The following CDC6 variants were observed in gnomAD, a reference collection of about 807,000 sequenced individuals.
CDC6 encodes DNA replication factor CDC6.
In CDC6, 46 loss-of-function variants were observed where a neutral mutation model predicts 60.2. The ratio of observed to expected loss-of-function variants is 0.76; its 90% CI spans 0.60 to 0.98. CDC6 has a LOEUF of 0.98. Ranked by LOEUF, CDC6 falls within the 50% of genes least tolerant of loss-of-function variation. The pLI, the probability that CDC6 is intolerant of heterozygous loss-of-function variation, is 0.00. For synonymous variants in CDC6, 210 were observed against 233.2 expected (o/e 0.90, Z 0.90); for missense variants, 596 against 652.9 (o/e 0.91, Z 0.95).
chr17:40,301,323 C>T (rs143500085), intron 10 of CDC6, 145 bp from the exon 11 acceptor site: 10 of 822,734 alleles, frequency 1.2e-5, no homozygotes, highest in Non-Finnish European at 2.1e-5. Context: ...TCTACAGAAG[C>T]CTGTTCAAAG....
chr17:40,291,495 G>A lies in CDC6; in HGVS notation c.487G>A (p.Val163Ile). ...CACTTGCTACCAGCAAGCAAAGCTG[G>A]TCCTGAACACAGCTGTCCCAGATCG... ...EGTCYQQAKL[V>I]LNTAVPDRLP... Residue 163 changes from valine (V) to isoleucine (I), a missense_variant, in exon 4 of 12, where the codon GTC (valine) becomes ATC (isoleucine). Val to Ile is a conservative substitution (Grantham distance 29). Transcript: ENST00000209728. 1 of 1,614,208 alleles carries A rather than the reference G, an allele frequency of 6.2e-7. No individual in the cohort carries two copies. Among genetic ancestry groups the A allele is most frequent in the Non-Finnish European group, 8.5e-7 (1 of 1,180,042 alleles).
At chr17:40,300,224 A>G (rs2032918375) in intron 9 of CDC6, among the ~76,000 whole-genome samples, 1 of 152,236 alleles carries the variant, frequency 6.6e-6, no homozygotes. Flanking sequence ...TTGATCTCCC[A>G]AAGTGCTGGG....
In CDC6 at chr17:40,302,112, C is replaced by T; in HGVS notation, c.*111C>T. 2.6e-6 allele frequency: 2 copies of T among 762,840 alleles called. No homozygotes were observed. The highest frequency in any genetic ancestry group is 4.9e-5 in the East Asian group (2 of 40,896). The allele number at this position is 762,840 out of a possible 1,614,324, so 47.3% of individuals were successfully genotyped here. ...CTGAAAACAAATATGACCTTTTTTA[C>T]TTGAAGCCAATGAATTTTAATCTAT... On this transcript the variant is annotated 3_prime_UTR_variant, in exon 12 of 12. Transcript: ENST00000209728.
intron 2 of CDC6, among the ~76,000 whole-genome samples, chr17:40,290,606 C>T (rs1056690742): frequency 8.5e-5 from 13 of 152,268 alleles, no homozygotes; most frequent in Middle Eastern, 3.4e-3. Context: ...CCCCAGTGGA[C>T]GCCTGCAATC....
In CDC6 at chr17:40,300,663, C is replaced by T. The variant is rs533014373; in HGVS notation, c.1250-165C>T. ...GACATCCTTAAGAGAATAGCATTAT[C>T]TCTCATCCTTTGGCCTCTGGTTAGA... On this transcript the variant is annotated intron_variant, in intron 9 of 11. Coordinates refer to ENST00000209728, the MANE Select transcript of CDC6 (RefSeq NM_001254.4). 3.7e-4 allele frequency among the ~76,000 whole-genome samples: 56 copies of T among 152,308 alleles called. 1 individual carries two copies. The highest frequency in any genetic ancestry group is 2.9e-3 in the South Asian group (14 of 4,828).
chr17:40,289,207 C>T (rs1478796889), intron 1 of CDC6: 4 of 535,730 alleles, frequency 7.5e-6, no homozygotes, highest in African/African-American at 5.7e-5. Context: ...TATAACAGCG[C>T]CCTTCCACGT....
At position 40,289,599 on chromosome 17, in the gene CDC6, G is replaced by A. The variant is rs2032719627; in HGVS notation, c.178+1G>A. The A allele has an allele frequency of 6.2e-7, 1 of 1,612,056 alleles. No individual in the cohort carries two copies. Among genetic ancestry groups the A allele is most frequent in the African/African-American group, 1.3e-5 (1 of 74,862 alleles). Reference sequence around the variant, plus strand: ...CCTCTCAGCCCCAGGAAACGTCTGGGTAAACCATCCATTATATCACTTTTT... The same window carrying A: ...CCTCTCAGCCCCAGGAAACGTCTGGATAAACCATCCATTATATCACTTTTT... On this transcript the variant is annotated splice_donor_variant, in intron 2 of 11. Transcript: ENST00000209728. LOFTEE classifies it high-confidence loss of function.
chr17:40,289,976 C>T (rs2032728884), intron 2 of CDC6, among the ~76,000 whole-genome samples: 3 of 151,218 alleles, frequency 2.0e-5, no homozygotes, highest in Non-Finnish European at 4.4e-5. Context: ...CCAACTGCCT[C>T]GGCCTCCCAA....
At chr17:40,299,506 A>AACATGTGG (rs1202840969) in intron 9 of CDC6, among the ~76,000 whole-genome samples, 1 of 152,074 alleles carries the variant, frequency 6.6e-6, no homozygotes, top group Non-Finnish European at 1.5e-5. Context: ...TAGAAGTGAG[A>AACATGTGG]ACATGTGGTA....
At chr17:40,297,399 G>T (rs2032873535) in intron 9 of CDC6, among the ~76,000 whole-genome samples, 1 of 152,134 alleles carries the variant, frequency 6.6e-6, no homozygotes, top group Non-Finnish European at 1.5e-5. Context: ...AACACCACAT[G>T]TTCTCACTCA....
chr17:40,303,204 AC>A lies in CDC6; in HGVS notation c.*1204del, dbSNP rs1259254850. The A allele has an allele frequency of 6.6e-6, 1 of 152,192 alleles. No individual in the cohort carries two copies. Among genetic ancestry groups the A allele is most frequent in the Non-Finnish European group, 1.5e-5 (1 of 68,046 alleles). The allele number at this position is 152,192 out of a possible 1,614,324, so 9.4% of individuals were successfully genotyped here. Reference sequence around the variant, plus strand: ...ACCAGAGGGCACCCTTATAACATTGACTACTTTGAAAGGGGATGCTTGAGGC... The same window carrying A: ...ACCAGAGGGCACCCTTATAACATTGATACTTTGAAAGGGGATGCTTGAGGC... On this transcript the variant is annotated 3_prime_UTR_variant, in exon 12 of 12. Coordinates refer to ENST00000209728, the MANE Select transcript of CDC6 (RefSeq NM_001254.4).
In CDC6 at chr17:40,289,478, T is replaced by A; in HGVS notation, c.58T>A (p.Ser20Thr). 4.3e-6 allele frequency: 7 copies of A among 1,614,036 alleles called. No homozygotes were observed. Among genetic ancestry groups the A allele is most frequent in the Non-Finnish European group, 5.9e-6 (7 of 1,180,000 alleles). The change falls in exon 2 of 12, where the codon TCT (serine) becomes ACT (threonine). Residue 20 changes from serine to threonine, a missense_variant. Physicochemically the swap from Ser to Thr is moderately conservative, Grantham distance 58 (BLOSUM62 1). Coordinates refer to ENST00000209728, the MANE Select transcript of CDC6 (RefSeq NM_001254.4). ...ATISFPKRKLSRALNKAKNSS... is the reference protein window; with the variant it reads ...ATISFPKRKLTRALNKAKNSS... Reference sequence around the variant, plus strand: ...AATCAGTTTTCCAAAAAGGAAGCTGTCTCGGGCATTGAACAAAGCTAAAAA... The same window carrying A: ...AATCAGTTTTCCAAAAAGGAAGCTGACTCGGGCATTGAACAAAGCTAAAAA...
In CDC6 at chr17:40,297,466, C is replaced by T. The variant is rs562856103; in HGVS notation, c.1249+699C>T. On this transcript the variant is annotated intron_variant, in intron 9 of 11. Transcript: ENST00000209728. ...ACACAGGGAGGGGAACATCACACAC[C>T]GGAGGCTGTTGGGGGTGGAGGCCAA... is the stretch of plus-strand genomic sequence containing the variant. 8.5e-5 allele frequency among the ~76,000 whole-genome samples: 13 copies of T among 152,146 alleles called. No individual in the cohort carries two copies. In the East Asian group the frequency reaches 2.3e-3, roughly 27 times the overall value.
intron 2 of CDC6, 119 bp from the exon 3 acceptor site, chr17:40,290,939 A>C (rs1375024837): frequency 9.8e-7 from 1 of 1,022,624 alleles, no homozygotes; most frequent in East Asian, 2.4e-5. Context: ...AAGGCATTTT[A>C]TTTTGGTGGT....
Position 40,302,820 on chromosome 17 carries a change from A to G in CDC6, c.*819A>G, listed in dbSNP as rs1372133195. 1 of 152,226 alleles carries G rather than the reference A, an allele frequency of 6.6e-6. No homozygotes were observed. The highest frequency in any genetic ancestry group is 1.5e-5 in the Non-Finnish European group (1 of 68,050). 9.4% of individuals were successfully genotyped at this position (152,226 alleles called of 1,614,324 possible). On this transcript the variant is annotated 3_prime_UTR_variant, in exon 12 of 12. Transcript: ENST00000209728. Reference sequence around the variant, plus strand: ...GGTGCAGATACTACAACATTGTGGCATTTTAGACTCGTTGAGTTTCTTGGG... The same window carrying G: ...GGTGCAGATACTACAACATTGTGGCGTTTTAGACTCGTTGAGTTTCTTGGG...
At chr17:40,299,112 G>A (rs2032899807) in intron 9 of CDC6, among the ~76,000 whole-genome samples, 1 of 139,744 alleles carries the variant, frequency 7.2e-6, no homozygotes, top group African/African-American at 2.7e-5. Context: ...TGGAATTCAT[G>A]CATCTCCAAA....
chr17:40,293,097 G>A (rs2032793092), intron 4 of CDC6, among the ~76,000 whole-genome samples: 1 of 151,958 alleles, frequency 6.6e-6, no homozygotes, highest in Non-Finnish European at 1.5e-5. Flanking sequence ...AAATTAGCTG[G>A]GTGTGGTGGT....
Position 40,293,961 on chromosome 17 carries a change from T to C in CDC6, c.848T>C (p.Leu283Ser). 1 of 1,613,046 alleles carries C rather than the reference T, an allele frequency of 6.2e-7. No individual in the cohort carries two copies. The highest frequency in any genetic ancestry group is 8.5e-7 in the Non-Finnish European group (1 of 1,178,980). Residue 283 changes from leucine (L) to serine (S), a missense_variant, in exon 6 of 12, where the codon TTG (leucine) becomes TCG (serine). Leu to Ser is a moderately radical substitution (Grantham distance 145, BLOSUM62 -2). Coordinates refer to ENST00000209728, the MANE Select transcript of CDC6 (RefSeq NM_001254.4). ...TTCTCTTTTTATAGTGTGTTGGTAT[T>C]GGACGAGATGGATCAACTGGACAGC... is the stretch of plus-strand genomic sequence containing the variant. ...AEKGPMIVLV[L>S]DEMDQLDSKG...
rs141354614 is a variant in CDC6 at position 40,296,724 on chromosome 17, G to A, written c.1206G>A (p.Glu402=). Residue 402 remains glutamate, a synonymous_variant, in exon 9 of 12, where the codon GAG becomes GAA. Coordinates refer to ENST00000209728, the MANE Select transcript of CDC6 (RefSeq NM_001254.4). ...DVCRRAIEIV[E]SDVKSQTILK... ...ATAGGAGAGCTATTGAAATTGTAGA[G>A]TCAGATGTCAAAAGCCAGACTATTC... 17 of 1,604,890 alleles carry A rather than the reference G, an allele frequency of 1.1e-5. No individual in the cohort carries two copies. In the African/African-American group the frequency reaches 2.1e-4, roughly 20 times the overall value.
Sources: gnomAD v4.1 joint callset for allele counts (sites outside exome capture counted in the v4.1 genomes callset) on GRCh38, gnomAD v4.1.1 for gene constraint, MANE v1.5 for transcripts, NCBI Gene and HGNC (gene_info 2026-07-23, HGNC 2026-07-21) for gene names.